CADM2: variants seen among roughly 807,000 people sequenced by gnomAD.
CADM2 encodes cell adhesion molecule 2.
A neutral mutation model predicts 49.8 loss-of-function variants in CADM2; 12 were observed. The ratio of observed to expected loss-of-function variants is 0.24; its 90% CI spans 0.15 to 0.39. CADM2 has a LOEUF of 0.39. Ranked by LOEUF, CADM2 falls within the 10% of genes least tolerant of loss-of-function variation. The pLI is 1.00. For missense variants in CADM2, 378 were observed against 492.3 expected, an observed-to-expected ratio of 0.77 and a Z score of 2.20; for synonymous variants, 214 against 175.4, an observed-to-expected ratio of 1.22 and a Z score of -1.74.
At chr3:86,002,499 T>C (rs561293982) in intron 8 of CADM2, among the ~76,000 whole-genome samples, 3 of 152,316 alleles carry the variant, frequency 2.0e-5, no homozygotes, top group South Asian at 4.1e-4. Context: ...TCAAGTCCAG[T>C]TGTGAAAGGC....
intron 1 of CADM2, among the ~76,000 whole-genome samples, chr3:85,153,417 C>G (rs1016836698): frequency 1.3e-5 from 2 of 152,348 alleles, no homozygotes; most frequent in Admixed American, 6.5e-5. Flanking sequence ...ATATCCTGCA[C>G]CTGGCTCAGA....
intron 1 of CADM2, among the ~76,000 whole-genome samples, chr3:85,055,033 C>G (rs1161809614): frequency 6.6e-6 from 1 of 151,810 alleles, no homozygotes; most frequent in Admixed American, 6.6e-5. Context: ...CATTTTGTCC[C>G]TAATGCACTG....
intron 3 of CADM2, among the ~76,000 whole-genome samples, chr3:85,838,677 G>C (rs2074507945): frequency 6.6e-6 from 1 of 151,528 alleles, no homozygotes; most frequent in East Asian, 1.9e-4. Context: ...AGCCAAGGTT[G>C]AAAAAATCAT....
intron 1 of CADM2, among the ~76,000 whole-genome samples, chr3:85,359,619 A>T (rs1275237536): frequency 9.7e-6 from 1 of 103,438 alleles, no homozygotes. Context: ...GATTATTTTT[A>T]TTCCAGGCCA....
At chr3:85,964,215 G>A (rs935924443) in intron 8 of CADM2, among the ~76,000 whole-genome samples, 3 of 151,958 alleles carry the variant, frequency 2.0e-5, no homozygotes, top group Non-Finnish European at 2.9e-5. Context: ...GGAGTGATAA[G>A]TGATCATTTG....
chr3:85,026,858 G>A (rs985496789), intron 1 of CADM2, among the ~76,000 whole-genome samples: 1 of 151,870 alleles, frequency 6.6e-6, no homozygotes, highest in Non-Finnish European at 1.5e-5. Flanking sequence ...TGAAAATGGA[G>A]ATACTTTACT....
At chr3:85,885,478 C>T (rs1713473914) in intron 4 of CADM2, among the ~76,000 whole-genome samples, 1 of 151,794 alleles carries the variant, frequency 6.6e-6, no homozygotes, top group Non-Finnish European at 1.5e-5. Flanking sequence ...CGAGACCAGC[C>T]TGGCCAACAT....
chr3:85,742,586 C>G (rs2068441674), intron 2 of CADM2, among the ~76,000 whole-genome samples: 1 of 152,010 alleles, frequency 6.6e-6, no homozygotes, highest in Non-Finnish European at 1.5e-5. Flanking sequence ...GTAGTTATTT[C>G]AGAGCAAAAA....
At chr3:85,353,548 T>A (rs997483598) in intron 1 of CADM2, among the ~76,000 whole-genome samples, 1 of 151,670 alleles carries the variant, frequency 6.6e-6, no homozygotes, top group East Asian at 1.9e-4. Flanking sequence ...TTTCTTTTTT[T>A]TTGTTTTTTT....
chr3:85,083,454 A>G (rs376524760), intron 1 of CADM2, among the ~76,000 whole-genome samples: 4 of 152,242 alleles, frequency 2.6e-5, no homozygotes, highest in African/African-American at 9.6e-5. Flanking sequence ...AAGATTGTGC[A>G]CACCGTTCTT....
At chr3:85,868,809 G>A (rs1326301900) in intron 3 of CADM2, among the ~76,000 whole-genome samples, 2 of 152,040 alleles carry the variant, frequency 1.3e-5, no homozygotes, top group African/African-American at 2.4e-5. Context: ...TCTCAAGTTG[G>A]TTAACGAAAT....
At chr3:85,498,801 G>C (rs754702961) in intron 1 of CADM2, among the ~76,000 whole-genome samples, 58 of 152,100 alleles carry the variant, frequency 3.8e-4, no homozygotes, top group Non-Finnish European at 6.2e-4. Context: ...CAATGGCTTT[G>C]TATTTACTAA....
intron 1 of CADM2, among the ~76,000 whole-genome samples, chr3:85,034,421 A>G (rs1196948254): frequency 1.3e-5 from 2 of 152,094 alleles, no homozygotes; most frequent in Admixed American, 6.5e-5. Flanking sequence ...GCTGCAAGTG[A>G]CAGGATCTCA....
intron 3 of CADM2, among the ~76,000 whole-genome samples, chr3:85,863,296 A>C (rs1018986323): frequency 3.9e-5 from 6 of 152,120 alleles, no homozygotes; most frequent in African/African-American, 1.4e-4. Flanking sequence ...CCCCTCCAAA[A>C]TCATGTGGTT....
chr3:85,154,080 C>A (rs1243831629), intron 1 of CADM2, among the ~76,000 whole-genome samples: 1 of 152,222 alleles, frequency 6.6e-6, no homozygotes, highest in Non-Finnish European at 1.5e-5. Flanking sequence ...CAGAATAAAG[C>A]TGGACGGAGA....
intron 3 of CADM2, among the ~76,000 whole-genome samples, chr3:85,867,700 A>C (rs2075775747): frequency 6.6e-6 from 1 of 152,042 alleles, no homozygotes; most frequent in Admixed American, 6.6e-5. Context: ...AATACTTTGA[A>C]AATTTTTAAA....
intron 1 of CADM2, among the ~76,000 whole-genome samples, chr3:85,119,069 T>C (rs947285880): frequency 6.6e-6 from 1 of 152,168 alleles, no homozygotes; most frequent in African/African-American, 2.4e-5. Context: ...TTTTTACAAA[T>C]GAAAAGAATC....
At chr3:85,594,453 G>C (rs2063189319) in intron 1 of CADM2, among the ~76,000 whole-genome samples, 1 of 151,870 alleles carries the variant, frequency 6.6e-6, no homozygotes, top group East Asian at 1.9e-4. Flanking sequence ...GGTGGAAAGA[G>C]CAGGCAATAA....
At chr3:85,116,632 T>G (rs2038648632) in intron 1 of CADM2, among the ~76,000 whole-genome samples, 1 of 152,208 alleles carries the variant, frequency 6.6e-6, no homozygotes, top group African/African-American at 2.4e-5. Flanking sequence ...CAATTTTATT[T>G]TAATATTTAT....
Sources: allele counts gnomAD v4.1 joint callset (sites outside exome capture counted in the v4.1 genomes callset), GRCh38; gene constraint gnomAD v4.1.1; transcripts MANE v1.5; gene names NCBI Gene and HGNC (gene_info 2026-07-23, HGNC 2026-07-21).